The following PLCB1 variants were observed in gnomAD, a reference collection of about 807,000 sequenced individuals.
PLCB1 encodes phospholipase C beta 1, also known as 1-phosphatidylinositol 4,5-bisphosphate phosphodiesterase beta-1.
Under a neutral mutation model 161.8 loss-of-function variants are expected in PLCB1, and 46 were observed. The observed-to-expected ratio is 0.28, with a 90% CI of 0.22 to 0.36. The LOEUF (loss-of-function observed/expected upper bound fraction) is 0.36. Among genes scored for constraint, PLCB1 ranks in the 10% least tolerant of loss-of-function variants. The pLI, the probability that PLCB1 is intolerant of heterozygous loss-of-function variation, is 1.00. For missense variants in PLCB1, 1,016 were observed against 1,472.5 expected (o/e 0.69, Z 5.07); for synonymous variants, 517 against 503.7 (o/e 1.03, Z -0.35).
At chr20:8,545,782 G>T (rs17436253) in intron 3 of PLCB1, among the ~76,000 whole-genome samples, 36,993 of 152,100 alleles carry the variant, frequency 0.24, 5,893 homozygotes, top group Non-Finnish European at 0.36. Context: ...AGTGGTGCTA[G>T]TGGAACAGCT....
At chr20:8,779,251 C>A (rs1480735217) in intron 27 of PLCB1, among the ~76,000 whole-genome samples, 1 of 151,940 alleles carries the variant, frequency 6.6e-6, no homozygotes, top group African/African-American at 2.4e-5. Flanking sequence ...TTAGTATTTG[C>A]ACAACATTCT....
intron 3 of PLCB1, among the ~76,000 whole-genome samples, chr20:8,376,721 G>A (rs1489935489): frequency 1.3e-5 from 2 of 152,136 alleles, no homozygotes; most frequent in Non-Finnish European, 2.9e-5. Context: ...GAGGTCAGGA[G>A]ATCGAGACCA....
At chr20:8,831,756 A>C (rs1985991498) in intron 31 of PLCB1, among the ~76,000 whole-genome samples, 1 of 152,156 alleles carries the variant, frequency 6.6e-6, no homozygotes, top group Admixed American at 6.5e-5. Context: ...CAGCCTCCCA[A>C]GTAGCTGGGA....
At chr20:8,644,049 G>C (rs1242469030) in intron 4 of PLCB1, among the ~76,000 whole-genome samples, 3 of 152,022 alleles carry the variant, frequency 2.0e-5, no homozygotes, top group Non-Finnish European at 4.4e-5. Context: ...TGCCAGCCTC[G>C]GCATCCTGAG....
At chr20:8,623,305 GTTTC>G (rs1265629465) in intron 3 of PLCB1, among the ~76,000 whole-genome samples, 1 of 151,970 alleles carries the variant, frequency 6.6e-6, no homozygotes, top group African/African-American at 2.4e-5. Context: ...TCGCCTTCGT[GTTTC>G]TTCTAATTTT....
In PLCB1 at chr20:8,765,126, T is replaced by C. The variant is rs775325681; in HGVS notation, c.2711-13T>C. 3 of 1,604,452 alleles carry C rather than the reference T, an allele frequency of 1.9e-6. No homozygotes were observed. In the East Asian group the frequency reaches 6.7e-5, roughly 36 times the overall value. On this transcript the variant is annotated splice_polypyrimidine_tract_variant and intron_variant, in intron 25 of 31. Transcript: ENST00000338037. ...CCTCCCATTCCCTTAGCTTTCATAT[T>C]CATTTGTTGCAGAAGTGGAAGCACA... is the stretch of plus-strand genomic sequence containing the variant.
At chr20:8,439,247 C>T (rs927054281) in intron 3 of PLCB1, among the ~76,000 whole-genome samples, 4 of 152,226 alleles carry the variant, frequency 2.6e-5, no homozygotes, top group Admixed American at 1.3e-4. Flanking sequence ...AAATACTTGT[C>T]GTAAAGGTGC....
intron 3 of PLCB1, among the ~76,000 whole-genome samples, chr20:8,434,447 C>A (rs983649355): frequency 9.9e-5 from 15 of 152,250 alleles, no homozygotes; most frequent in African/African-American, 3.6e-4. Flanking sequence ...TTTCTTCTGT[C>A]TTATTCACTG....
Position 8,761,976 on chromosome 20 carries a change from A to AGGGGGG in PLCB1, c.2710+1519_2710+1524dup, listed in dbSNP as rs376412796. Reference sequence around the variant, plus strand: ...GTAATCCCAGTACCTGGGGAGGCCAAGGGGGGGGCGGATCACCTGAGGTCG... The same window carrying AGGGGGG: ...GTAATCCCAGTACCTGGGGAGGCCAAGGGGGGGGGGGGGGCGGATCACCTGAGGTCG... On this transcript the variant is annotated intron_variant, in intron 25 of 31. Coordinates refer to ENST00000338037, the MANE Select transcript of PLCB1 (RefSeq NM_015192.4). 2.7e-4 allele frequency among the ~76,000 whole-genome samples: 40 copies of AGGGGGG among 146,484 alleles called. No homozygotes were observed. In the South Asian group the frequency reaches 3.1e-3, roughly 11 times the overall value.
chr20:8,445,288 G>A (rs576649814), intron 3 of PLCB1, among the ~76,000 whole-genome samples: 15 of 152,198 alleles, frequency 9.9e-5, no homozygotes, highest in South Asian at 2.1e-4. Context: ...TCCCAGCACC[G>A]TTTATTAAAT....
intron 3 of PLCB1, 124 bp from the exon 4 acceptor site, chr20:8,628,170 A>G (rs1181508901): frequency 3.9e-6 from 3 of 766,448 alleles, no homozygotes; most frequent in Non-Finnish European, 6.4e-6. Context: ...AACTCCTACA[A>G]TTTTCTAGTA....
At chr20:8,283,934 T>C (rs1003342765) in intron 2 of PLCB1, among the ~76,000 whole-genome samples, 2 of 152,080 alleles carry the variant, frequency 1.3e-5, no homozygotes, top group African/African-American at 4.8e-5. Context: ...TGAAAACTCT[T>C]TCAATAATAT....
chr20:8,548,081 CCTTCCTCCCTTT>C (rs1189020906), intron 3 of PLCB1, among the ~76,000 whole-genome samples: 1 of 151,874 alleles, frequency 6.6e-6, no homozygotes, highest in South Asian at 2.1e-4. Flanking sequence ...TTCCTCCCTC[CCTTCCTCCCTTT>C]CTTCCTCCCT....
chr20:8,541,562 G>GAA (rs1555769018), intron 3 of PLCB1, among the ~76,000 whole-genome samples: 5 of 114,428 alleles, frequency 4.4e-5, no homozygotes, highest in African/African-American at 1.5e-4. Flanking sequence ...AAGGAAGAAA[G>GAA]AGAAAGAAAG....
At chr20:8,530,651 A>T (rs1383133648) in intron 3 of PLCB1, among the ~76,000 whole-genome samples, 1 of 152,112 alleles carries the variant, frequency 6.6e-6, no homozygotes, top group Non-Finnish European at 1.5e-5. Context: ...TTCGACATGT[A>T]TATTCTCCAC....
intron 1 of PLCB1, among the ~76,000 whole-genome samples, chr20:8,134,217 G>GA (rs374976161): frequency 1.1e-4 from 17 of 151,936 alleles, no homozygotes; most frequent in East Asian, 1.9e-4. Flanking sequence ...TTGTGTCAGG[G>GA]AAAAAAAAGA....
At chr20:8,349,129 T>C (rs1986095175) in intron 2 of PLCB1, among the ~76,000 whole-genome samples, 1 of 152,088 alleles carries the variant, frequency 6.6e-6, no homozygotes, top group Admixed American at 6.6e-5. Context: ...CATTGTGTAA[T>C]AGTTCAATAG....
intron 25 of PLCB1, among the ~76,000 whole-genome samples, chr20:8,761,201 C>T (rs1308874485): frequency 6.6e-6 from 1 of 152,154 alleles, no homozygotes; most frequent in Non-Finnish European, 1.5e-5. Context: ...AAAAGTCAGA[C>T]ACAAAAGAAC....
intron 3 of PLCB1, among the ~76,000 whole-genome samples, chr20:8,374,686 T>C (rs1242992841): frequency 6.6e-6 from 1 of 151,960 alleles, no homozygotes; most frequent in East Asian, 1.9e-4. Flanking sequence ...GGACTTAGAG[T>C]AGATTAAAAG....
Sources: allele counts gnomAD v4.1 joint callset (sites outside exome capture counted in the v4.1 genomes callset), GRCh38; gene constraint gnomAD v4.1.1; transcripts MANE v1.5; gene names NCBI Gene and HGNC (gene_info 2026-07-23, HGNC 2026-07-21).